The following FGD6 variants were observed in gnomAD, a reference collection of about 807,000 sequenced individuals.
FGD6 encodes FYVE, RhoGEF and PH domain containing 6, also known as FYVE, RhoGEF and PH domain-containing protein 6.
In FGD6, 90 loss-of-function variants were observed where a neutral mutation model predicts 149.4. The ratio of observed to expected loss-of-function variants is 0.60; its 90% confidence interval spans 0.51 to 0.72. FGD6 has a LOEUF of 0.72. Ranked by LOEUF, FGD6 falls within the 30% of genes least tolerant of loss-of-function variation. The pLI, the probability that FGD6 is intolerant of heterozygous loss-of-function variation, is 0.00. For missense variants in FGD6, 1,437 were observed against 1,684.8 expected (o/e 0.85, Z 2.57); for synonymous variants, 527 against 584.0 (o/e 0.90, Z 1.41).
chr12:95,115,294 G>C (rs1483465784), intron 8 of FGD6, among the ~76,000 whole-genome samples: 1 of 151,974 alleles, frequency 6.6e-6, no homozygotes, highest in African/African-American at 2.4e-5. Context: ...CTGGAGCACA[G>C]TGCTGCAATC....
intron 8 of FGD6, among the ~76,000 whole-genome samples, chr12:95,134,377 T>C (rs1879607185): frequency 1.3e-5 from 2 of 152,152 alleles, no homozygotes; most frequent in South Asian, 4.1e-4. Flanking sequence ...GGAGTGACCC[T>C]CTAAACTCCA....
chr12:95,208,906 A>G lies in FGD6; in HGVS notation c.2378T>C (p.Val793Ala), dbSNP rs774478798. The G allele has an allele frequency of 3.1e-6, 5 of 1,613,876 alleles. No homozygotes were observed. In the South Asian group the frequency reaches 5.5e-5, roughly 18 times the overall value. The change falls in exon 2 of 21, where the codon GTA (valine) becomes GCA (alanine). Residue 793 changes from valine to alanine, a missense_variant. Transcript: ENST00000343958. ...ATCTGGAGCTTCATACGGCTCTTCT[A>G]CCTCATACACATTTGCATCAGCGTC... ...MEDADANVYEVEEPYEAPDGQ... is the reference protein window; with the variant it reads ...MEDADANVYEAEEPYEAPDGQ...
intron 8 of FGD6, among the ~76,000 whole-genome samples, chr12:95,118,820 A>T (rs1449441674): frequency 6.6e-6 from 1 of 152,254 alleles, no homozygotes; most frequent in Non-Finnish European, 1.5e-5. Flanking sequence ...AGTTTTATGA[A>T]GTTTCAGATT....
chr12:95,109,993 C>CT (rs35721924), intron 9 of FGD6, among the ~76,000 whole-genome samples: 253 of 150,338 alleles, frequency 1.7e-3, no homozygotes, highest in Middle Eastern at 3.4e-3. Flanking sequence ...CTTCTGTATT[C>CT]TTTTTTTTTT....
At chr12:95,141,736 C>T (rs930215028) in intron 5 of FGD6, among the ~76,000 whole-genome samples, 197 bp from the exon 6 acceptor site, 7 of 152,078 alleles carry the variant, frequency 4.6e-5, no homozygotes, top group South Asian at 2.1e-4. Context: ...AATAGTGAGA[C>T]GATTATTTGA....
intron 5 of FGD6, among the ~76,000 whole-genome samples, chr12:95,152,302 T>C (rs111490055): frequency 9.2e-5 from 14 of 152,254 alleles, no homozygotes; most frequent in African/African-American, 3.1e-4. Context: ...CACCCTAGCC[T>C]GGGCAACAGA....
At chr12:95,127,111 C>T (rs925463702) in intron 8 of FGD6, among the ~76,000 whole-genome samples, 1 of 151,770 alleles carries the variant, frequency 6.6e-6, no homozygotes, top group Non-Finnish European at 1.5e-5. Flanking sequence ...GAGTGCAGGA[C>T]AGCCCTACTT....
rs991368948 is a variant in FGD6, at chr12:95,080,813, T to C, written c.*707A>G. On this transcript the variant is annotated 3_prime_UTR_variant, in exon 21 of 21. Transcript: ENST00000343958. ...AAAAGCCGGAAGAGTTGGTTATTTG[T>C]GGTATTCTGCAAATAAAAACATCTT... 1 of 152,224 alleles carries C rather than the reference T, an allele frequency of 6.6e-6. No homozygotes were observed. Among genetic ancestry groups the C allele is most frequent in the African/African-American group, 2.4e-5 (1 of 41,462 alleles). 9.4% of individuals were successfully genotyped at this position (152,224 alleles called of 1,614,324 possible).
At chr12:95,170,407 C>T (rs561347002) in intron 3 of FGD6, among the ~76,000 whole-genome samples, 1 of 151,952 alleles carries the variant, frequency 6.6e-6, no homozygotes, top group South Asian at 2.1e-4. Context: ...TTGGGAGGCC[C>T]GAGGTGTGTG....
At chr12:95,202,547 TA>T (rs5800192) in intron 2 of FGD6, among the ~76,000 whole-genome samples, 14,102 of 151,966 alleles carry the variant, frequency 0.093, 873 homozygotes, top group African/African-American at 0.17. Flanking sequence ...CTAATTCCTT[TA>T]AAAAAAATTT....
chr12:95,086,154 G>C (rs564095727), intron 18 of FGD6, among the ~76,000 whole-genome samples: 1 of 152,144 alleles, frequency 6.6e-6, no homozygotes, highest in Non-Finnish European at 1.5e-5. Flanking sequence ...ACGTGTTTGC[G>C]TATGTTTCTT....
chr12:95,110,055 C>T lies in FGD6; in HGVS notation c.3134-1494G>A, dbSNP rs569749677. Among the ~76,000 whole-genome samples the T allele has an allele frequency of 1.2e-4, 18 of 151,540 alleles. No individual in the cohort carries two copies. In the South Asian group the frequency reaches 1.3e-3, roughly 11 times the overall value. On this transcript the variant is annotated intron_variant, in intron 9 of 20. Coordinates refer to ENST00000343958, the MANE Select transcript of FGD6 (RefSeq NM_018351.4). ...GCAGTGGCGCGATCTTGGCTCACTG[C>T]AAGCTCCACCTCCCGGGTTCACACC...
intron 8 of FGD6, among the ~76,000 whole-genome samples, chr12:95,121,481 G>GTGTGTATATATATA (rs1491167311): frequency 8.2e-6 from 1 of 121,910 alleles, no homozygotes; most frequent in African/African-American, 3.4e-5. Flanking sequence ...ATATATATAT[G>GTGTGTATATATATA]TATATATATA....
intron 3 of FGD6, among the ~76,000 whole-genome samples, chr12:95,158,968 C>G (rs1267286160): frequency 6.6e-6 from 1 of 152,080 alleles, no homozygotes; most frequent in Non-Finnish European, 1.5e-5. Context: ...AGCCCTGACT[C>G]TTCATTTCCA....
chr12:95,180,948 C>G (rs191536587), intron 2 of FGD6, among the ~76,000 whole-genome samples: 1 of 152,046 alleles, frequency 6.6e-6, no homozygotes, highest in Admixed American at 6.6e-5. Flanking sequence ...TCTCCCCCAA[C>G]CCCCAGACTT....
chr12:95,119,427 A>C (rs1879119955), intron 8 of FGD6, among the ~76,000 whole-genome samples: 1 of 152,204 alleles, frequency 6.6e-6, no homozygotes, highest in Non-Finnish European at 1.5e-5. Flanking sequence ...TTGACTTAAA[A>C]ACCATCCTAG....
At chr12:95,097,658 A>AAAAAC (rs1878281574) in intron 14 of FGD6, among the ~76,000 whole-genome samples, 3 of 151,004 alleles carry the variant, frequency 2.0e-5, no homozygotes, top group African/African-American at 2.4e-5. Context: ...AAAAAAAAAA[A>AAAAAC]AGACCATGCC....
intron 2 of FGD6, among the ~76,000 whole-genome samples, chr12:95,194,579 T>C (rs1376733327): frequency 1.5e-5 from 2 of 135,800 alleles, no homozygotes; most frequent in Non-Finnish European, 1.6e-5. Flanking sequence ...AATAGACTAG[T>C]GGTTGCCAGG....
intron 2 of FGD6, among the ~76,000 whole-genome samples, chr12:95,199,194 C>G (rs2136298188): frequency 6.6e-6 from 1 of 152,270 alleles, no homozygotes; most frequent in Admixed American, 6.5e-5. Context: ...TTTGGAATTT[C>G]CCATTTCTGT....
Sources: gnomAD v4.1 joint callset for allele counts (sites outside exome capture counted in the v4.1 genomes callset) on GRCh38, gnomAD v4.1.1 for gene constraint, MANE v1.5 for transcripts, NCBI Gene and HGNC (gene_info 2026-07-23, HGNC 2026-07-21) for gene names.